The following ENTHD1 variants were observed in gnomAD, a reference collection of about 807,000 sequenced individuals.
ENTHD1 encodes the protein ENTH domain-containing protein 1.
Under a neutral mutation model 39.1 loss-of-function variants are expected in ENTHD1, and 23 were observed. The observed-to-expected ratio is 0.59, with a 90% CI of 0.42 to 0.83. ENTHD1 has a LOEUF of 0.83. ENTHD1 is among the 40% of genes least tolerant of loss of function. The probability of loss-of-function intolerance (pLI) is 0.00; values close to 1 mark genes in which losing one functional copy is unlikely to be tolerated. For missense variants in ENTHD1, 624 were observed against 705.4 expected (o/e 0.88, Z 1.31); for synonymous variants, 230 against 258.2 (o/e 0.89, Z 1.05).
intron 5 of ENTHD1, among the ~76,000 whole-genome samples, chr22:39,798,107 G>T (rs2065565598): frequency 6.6e-6 from 1 of 151,962 alleles, no homozygotes; most frequent in Admixed American, 6.6e-5. Flanking sequence ...TGACACATAG[G>T]TTTTGTTTGT....
chr22:39,811,945 C>T (rs1284647418), intron 5 of ENTHD1, among the ~76,000 whole-genome samples: 2 of 151,886 alleles, frequency 1.3e-5, no homozygotes, highest in Non-Finnish European at 2.9e-5. Context: ...AGTCACTGCA[C>T]TCCAGCCTGG....
chr22:39,771,853 G>A (rs986944143), intron 5 of ENTHD1, among the ~76,000 whole-genome samples: 4 of 152,206 alleles, frequency 2.6e-5, no homozygotes, highest in East Asian at 3.9e-4. Context: ...GAAGTACTTC[G>A]GGTTGAAGAC....
chr22:39,783,134 A>AT (rs2065423935), intron 5 of ENTHD1, among the ~76,000 whole-genome samples: 1 of 152,184 alleles, frequency 6.6e-6, no homozygotes, highest in African/African-American at 2.4e-5. Flanking sequence ...TATGCTAACA[A>AT]TGCACAACCT....
chr22:39,814,414 T>G (rs1424244858), intron 5 of ENTHD1, among the ~76,000 whole-genome samples: 1 of 152,026 alleles, frequency 6.6e-6, no homozygotes, highest in Non-Finnish European at 1.5e-5. Context: ...GAACCGCAAT[T>G]GTGCCACTGC....
intron 5 of ENTHD1, among the ~76,000 whole-genome samples, chr22:39,769,813 AT>A (rs2065307738): frequency 1.3e-5 from 2 of 152,192 alleles, no homozygotes; most frequent in South Asian, 4.1e-4. Flanking sequence ...ACAACAAAAG[AT>A]AAGAAATGTC....
intron 5 of ENTHD1, among the ~76,000 whole-genome samples, chr22:39,816,635 T>C (rs2065735765): frequency 6.6e-6 from 1 of 152,168 alleles, no homozygotes; most frequent in Non-Finnish European, 1.5e-5. Context: ...ATTGCCCTTA[T>C]CTAAAACCAT....
At chr22:39,754,455 T>C (rs1415672543) in intron 6 of ENTHD1, among the ~76,000 whole-genome samples, 2 of 152,216 alleles carry the variant, frequency 1.3e-5, no homozygotes, top group African/African-American at 4.8e-5. Context: ...GTTCTCTTCA[T>C]GGTCCCTATA....
At chr22:39,776,094 A>G (rs1174755447) in intron 5 of ENTHD1, among the ~76,000 whole-genome samples, 4 of 151,744 alleles carry the variant, frequency 2.6e-5, no homozygotes, top group Non-Finnish European at 4.4e-5. Context: ...AGCTCTTGCT[A>G]TGTTGCCCAG....
chr22:39,869,406 T>C (rs1239923937), intron 2 of ENTHD1, among the ~76,000 whole-genome samples: 2 of 151,908 alleles, frequency 1.3e-5, no homozygotes, highest in South Asian at 2.1e-4. Context: ...AATGGGAGAA[T>C]GGGAGCTAAA....
chr22:39,803,926 C>T (rs1182280311), intron 5 of ENTHD1, among the ~76,000 whole-genome samples: 1 of 151,894 alleles, frequency 6.6e-6, no homozygotes, highest in African/African-American at 2.4e-5. Context: ...CTTTGGGAGG[C>T]TGAAGCAGGA....
chr22:39,775,652 T>A (rs755645822), intron 5 of ENTHD1, among the ~76,000 whole-genome samples: 24 of 152,174 alleles, frequency 1.6e-4, no homozygotes, highest in Non-Finnish European at 3.4e-4. Flanking sequence ...GAGACTCGAT[T>A]TCCCCTCGGG....
intron 2 of ENTHD1, among the ~76,000 whole-genome samples, chr22:39,862,848 G>A (rs948757303): frequency 6.6e-6 from 1 of 152,196 alleles, no homozygotes; most frequent in Non-Finnish European, 1.5e-5. Flanking sequence ...ATTAAGAGGT[G>A]GAGCCTTTAA....
Position 39,861,811 on chromosome 22 carries a change from T to C in ENTHD1, c.546A>G (p.Ser182=). Residue 182 remains serine, a synonymous_variant, in exon 3 of 7, where the codon TCA becomes TCG. Transcript: ENST00000325157. ...ACTTAGGAAGCTTATACTTCTTCTC[T>C]GAAGCAGAAATATCCGGTGTGGGGG... The part of the protein sequence containing the change: ...TSAPTPDISA[S]EKKYKLPKFG... The C allele has an allele frequency of 6.3e-7, 1 of 1,589,824 alleles. No individual in the cohort carries two copies. Among genetic ancestry groups the C allele is most frequent in the African/African-American group, 1.3e-5 (1 of 74,916 alleles).
At chr22:39,832,715 T>C (rs1347215896) in intron 4 of ENTHD1, among the ~76,000 whole-genome samples, 1 of 152,052 alleles carries the variant, frequency 6.6e-6, no homozygotes, top group Non-Finnish European at 1.5e-5. Flanking sequence ...GGAGGTACTA[T>C]AAAGGAACGA....
At chr22:39,856,862 A>G (rs2066093957) in intron 3 of ENTHD1, among the ~76,000 whole-genome samples, 1 of 151,512 alleles carries the variant, frequency 6.6e-6, no homozygotes, top group South Asian at 2.1e-4. Flanking sequence ...CAAAAAAAAA[A>G]AAAAAAGAAA....
In ENTHD1 at chr22:39,867,259, T is replaced by C. The variant is rs973486756; in HGVS notation, c.350-5252A>G. Among the ~76,000 whole-genome samples, 2 of 152,120 alleles carry C rather than the reference T, an allele frequency of 1.3e-5. No individual in the cohort carries two copies. The highest frequency in any genetic ancestry group is 4.8e-5 in the African/African-American group (2 of 41,418). On this transcript the variant is annotated intron_variant, in intron 2 of 6. Coordinates refer to ENST00000325157, the MANE Select transcript of ENTHD1 (RefSeq NM_152512.4). This position sits in a 1 kb window ranked among gnomAD's most constrained non-coding sequence, Gnocchi z 4.5. The stretch of plus-strand genomic sequence containing the variant: ...TCGTGTAAAGAGATTGCAAATATGG[T>C]AAATTCAAAGATCTTTGGCATTGAG...
intron 1 of ENTHD1, among the ~76,000 whole-genome samples, chr22:39,890,817 CAAT>C (rs1411769400): frequency 6.6e-6 from 1 of 152,122 alleles, no homozygotes; most frequent in Admixed American, 6.5e-5. Flanking sequence ...TACTAATGTA[CAAT>C]GACTTGAACT....
At chr22:39,771,766 A>G (rs1232040315) in intron 5 of ENTHD1, among the ~76,000 whole-genome samples, 1 of 152,196 alleles carries the variant, frequency 6.6e-6, no homozygotes, top group African/African-American at 2.4e-5. Context: ...ATTGAAGGCA[A>G]AATCAAAACA....
chr22:39,750,673 A>T (rs960691560), intron 6 of ENTHD1: 5 of 152,374 alleles, frequency 3.3e-5, no homozygotes, highest in African/African-American at 1.2e-4. Flanking sequence ...TGTTCAGCTG[A>T]GTGGGGAGTC....
Sources: gnomAD v4.1 joint callset for allele counts (sites outside exome capture counted in the v4.1 genomes callset) on GRCh38, gnomAD v4.1.1 for gene constraint, Gnocchi (gnomAD v3.1) non-coding constraint, MANE v1.5 for transcripts, NCBI Gene and HGNC (gene_info 2026-07-23, HGNC 2026-07-21) for gene names.